Variants in MAGT1 observed in about 807,000 individuals in gnomAD.
MAGT1 encodes magnesium transporter 1.
A neutral mutation model predicts 28.4 loss-of-function variants in MAGT1; 4 were observed. The observed-to-expected ratio is 0.14, with a 90% CI of 0.07 to 0.32. MAGT1 has a LOEUF of 0.32. Among genes scored for constraint, MAGT1 ranks in the 10% least tolerant of loss-of-function variants. The probability of loss-of-function intolerance (pLI) is 1.00; values close to 1 mark genes in which losing one functional copy is unlikely to be tolerated. For synonymous variants in MAGT1, 89 were observed against 89.7 expected, an observed-to-expected ratio of 0.99 and a Z score of 0.04; for missense variants, 193 against 264.5, an observed-to-expected ratio of 0.73 and a Z score of 1.88.
At chrX:77,871,070 C>T in intron 2 of MAGT1, 145 bp from the exon 3 acceptor site, 2 of 503,818 alleles carry the variant, frequency 4.0e-6, no homozygotes, top group Non-Finnish European at 7.1e-6. Context: ...GTAGGTCAGA[C>T]TCTGCTGACA....
chrX:77,858,885 A>C (rs782253668), intron 3 of MAGT1, among the ~76,000 whole-genome samples: 1 of 111,854 alleles, frequency 8.9e-6, no homozygotes, highest in East Asian at 2.8e-4. Context: ...GTTTAGTTAC[A>C]CCACCTCTAC....
intron 1 of MAGT1, among the ~76,000 whole-genome samples, chrX:77,884,092 C>T (rs965637328): frequency 7.2e-5 from 8 of 110,914 alleles, no homozygotes; most frequent in African/African-American, 2.6e-4. Flanking sequence ...ACTCAGGAGG[C>T]TGAGGCACGA....
At chrX:77,829,696 A>G (rs1489745910) in intron 9 of MAGT1, among the ~76,000 whole-genome samples, 4 of 110,439 alleles carry the variant, frequency 3.6e-5, no homozygotes, top group African/African-American at 1.3e-4. Flanking sequence ...ATAAATTATT[A>G]TAATTATTAT....
intron 7 of MAGT1, among the ~76,000 whole-genome samples, chrX:77,846,225 C>T (rs782345948): frequency 3.6e-5 from 4 of 112,070 alleles, no homozygotes; most frequent in East Asian, 2.8e-4. Flanking sequence ...CTGATCGAAT[C>T]GGCTACTGAG....
intron 3 of MAGT1, among the ~76,000 whole-genome samples, chrX:77,865,450 C>T (rs782717451): frequency 1.6e-4 from 17 of 109,324 alleles, no homozygotes; most frequent in African/African-American, 4.3e-4. Flanking sequence ...CCACCATGCC[C>T]GTCTAATTTT....
intron 3 of MAGT1, among the ~76,000 whole-genome samples, chrX:77,860,146 G>A (rs1317467682): frequency 4.5e-5 from 5 of 111,591 alleles, no homozygotes; most frequent in African/African-American, 1.6e-4. Flanking sequence ...GTGCGTTGGC[G>A]CAATCTTGGC....
At chrX:77,865,163 A>C (rs1027081024) in intron 3 of MAGT1, among the ~76,000 whole-genome samples, 2 of 112,539 alleles carry the variant, frequency 1.8e-5, no homozygotes, top group Admixed American at 9.5e-5. Context: ...AATGAATGAT[A>C]TACTGTAAAA....
intron 7 of MAGT1, among the ~76,000 whole-genome samples, chrX:77,844,036 T>C (rs1023360864): frequency 2.0e-4 from 22 of 111,800 alleles, no homozygotes; most frequent in African/African-American, 6.5e-4. Context: ...CAGCTCCTCC[T>C]TGTACCTCTG....
chrX:77,850,086 A>ATC lies in MAGT1; in HGVS notation c.826+3814_826+3815insGA, dbSNP rs781799177. Among the ~76,000 whole-genome samples, 10 of 111,396 alleles carry ATC rather than the reference A, an allele frequency of 9.0e-5. No homozygotes were observed. The East Asian group carries it at 2.2e-3, about 25-fold the overall frequency. On this transcript the variant is annotated intron_variant, in intron 7 of 9. Transcript: ENST00000618282. ...AAATATGTGAATATTTTCCAAAATC[A>ATC]TAACTACTACTTAGAGGTGGCCTCA...
intron 2 of MAGT1, among the ~76,000 whole-genome samples, chrX:77,871,971 C>G: frequency 9.0e-6 from 1 of 111,330 alleles, no homozygotes; most frequent in African/African-American, 3.3e-5. Context: ...ATTTTTATTG[C>G]TATCATCTAA....
At chrX:77,830,209 C>T (rs1190125697) in intron 9 of MAGT1, among the ~76,000 whole-genome samples, 2 of 111,973 alleles carry the variant, frequency 1.8e-5, no homozygotes, top group Non-Finnish European at 3.8e-5. Context: ...GTAGTCCTAG[C>T]CTCTTGGGAA....
In MAGT1 at chrX:77,840,656, A is replaced by T. The variant is rs1557214324; in HGVS notation, c.901+590T>A. 4.5e-5 allele frequency among the ~76,000 whole-genome samples: 5 copies of T among 111,504 alleles called. 1 individual carries two copies. Among genetic ancestry groups the T allele is most frequent in the East Asian group, 5.6e-4 (2 of 3,541 alleles). On this transcript the variant is annotated intron_variant, in intron 8 of 9. Coordinates refer to ENST00000618282, the MANE Select transcript of MAGT1 (RefSeq NM_001367916.1). ...CCAGGGGTTTGAGGCCAGCCTGGGC[A>T]AAGTGACAAAACCCCATCTCTACAA...
At chrX:77,880,383 G>C (rs1557218288) in intron 1 of MAGT1, among the ~76,000 whole-genome samples, 2 of 108,056 alleles carry the variant, frequency 1.9e-5, no homozygotes, top group African/African-American at 6.7e-5. Flanking sequence ...CAAAAAATAA[G>C]CTGGGCGTGA....
At chrX:77,867,964 A>G (rs1482671966) in intron 3 of MAGT1, 1 of 66,961 alleles carries the variant, frequency 1.5e-5, no homozygotes, top group Non-Finnish European at 4.0e-5. Context: ...TGGACCAGTT[A>G]AAAGGTTACT....
At chrX:77,857,719 C>T (rs1169573077) in intron 3 of MAGT1, among the ~76,000 whole-genome samples, 2 of 111,296 alleles carry the variant, frequency 1.8e-5, no homozygotes, top group Non-Finnish European at 3.8e-5. Context: ...AATACACATT[C>T]CTCGCTAAGA....
intron 2 of MAGT1, among the ~76,000 whole-genome samples, chrX:77,871,732 C>T (rs1254011316): frequency 9.1e-6 from 1 of 109,976 alleles, no homozygotes; most frequent in Non-Finnish European, 1.9e-5. Flanking sequence ...GTCTCAGCTA[C>T]TCGGGAGGCT....
Position 77,889,307 on chromosome X carries a change from A to T in MAGT1, c.102+6002T>A, listed in dbSNP as rs372766168. On this transcript the variant is annotated intron_variant, in intron 1 of 9. Coordinates refer to ENST00000618282, the MANE Select transcript of MAGT1 (RefSeq NM_001367916.1). ...CATTCTTTTTTAAATTTAAATTTAA[A>T]TTTTTGTGGGTACATAGTAGGTGTG... is the stretch of plus-strand genomic sequence containing the variant. 8.9e-5 allele frequency among the ~76,000 whole-genome samples: 9 copies of T among 101,592 alleles called. No individual in the cohort carries two copies. In the East Asian group the frequency reaches 2.5e-3, roughly 28 times the overall value. 88.2% of individuals were successfully genotyped at this position (101,592 alleles called of 115,157 possible). A position where few individuals can be genotyped will look rare whatever the true frequency, so the allele number is the denominator to read the frequency against.
At chrX:77,864,287 G>A (rs1300343372) in intron 3 of MAGT1, among the ~76,000 whole-genome samples, 10 of 108,115 alleles carry the variant, frequency 9.2e-5, no homozygotes, top group African/African-American at 2.0e-4. Context: ...GGAGGGGTGC[G>A]GGAGCGGGCA....
intron 4 of MAGT1, 63 bp downstream of exon 4, chrX:77,857,294 C>A: frequency 8.4e-7 from 1 of 1,184,757 alleles, no homozygotes; most frequent in South Asian, 1.8e-5. Context: ...CTAATTAGGG[C>A]CTCCCAGTAA....
Sources: gnomAD v4.1 joint callset for allele counts (sites outside exome capture counted in the v4.1 genomes callset) on GRCh38, gnomAD v4.1.1 for gene constraint, MANE v1.5 for transcripts, NCBI Gene and HGNC (gene_info 2026-07-23, HGNC 2026-07-21) for gene names.